ATPAF2: variants seen among roughly 807,000 people sequenced by gnomAD.
ATPAF2 encodes ATP synthase mitochondrial F1 complex assembly factor 2.
Under a neutral mutation model 36.6 loss-of-function variants are expected in ATPAF2, and 30 were observed. That is an observed-to-expected ratio of 0.82 (90% CI 0.61 to 1.11). The LOEUF is 1.11. Among genes scored for constraint, ATPAF2 ranks in the 50% most tolerant of loss-of-function variants. The pLI, the probability that ATPAF2 is intolerant of heterozygous loss-of-function variation, is 0.00. For synonymous variants in ATPAF2, 140 were observed against 152.6 expected (o/e 0.92, Z 0.61); for missense variants, 321 against 372.3 (o/e 0.86, Z 1.13).
chr17:18,027,232 G>T (rs2044560654), intron 3 of ATPAF2, among the ~76,000 whole-genome samples: 1 of 151,010 alleles, frequency 6.6e-6, no homozygotes, highest in African/African-American at 2.4e-5. Flanking sequence ...AAAAAAAAAA[G>T]ATCTTTTTTT....
intron 7 of ATPAF2, among the ~76,000 whole-genome samples, chr17:18,019,916 A>G (rs1388701511): frequency 6.6e-6 from 1 of 152,220 alleles, no homozygotes; most frequent in Non-Finnish European, 1.5e-5. Context: ...CTTGGGTCCC[A>G]TAGTCAGAAG....
chr17:18,036,780 T>C (rs544100955), intron 1 of ATPAF2, among the ~76,000 whole-genome samples: 1 of 152,256 alleles, frequency 6.6e-6, no homozygotes, highest in African/African-American at 2.4e-5. Flanking sequence ...AAATCTAAAT[T>C]AACCCTTTGT....
intron 1 of ATPAF2, among the ~76,000 whole-genome samples, chr17:18,032,735 A>C (rs1039433353): frequency 6.6e-6 from 1 of 152,174 alleles, no homozygotes; most frequent in African/African-American, 2.4e-5. Flanking sequence ...GGCAAACAAT[A>C]AGGTGACTTC....
Position 18,039,150 on chromosome 17 carries a change from ACGC to A in ATPAF2, c.-140_-138del, listed in dbSNP as rs2044752910. 2.4e-6 allele frequency: 3 copies of A among 1,270,590 alleles called. No homozygotes were observed. Among genetic ancestry groups the A allele is most frequent in the Non-Finnish European group, 2.2e-6 (2 of 909,918 alleles). 78.7% of individuals were successfully genotyped at this position (1,270,590 alleles called of 1,614,324 possible). ...CCTCAGAGCCCTCAACCTCCCTTGG[ACGC>A]CGCCATCTTCCGCATGACACCTACG... is the stretch of plus-strand genomic sequence containing the variant. On this transcript the variant is annotated 5_prime_UTR_variant, in exon 1 of 8. Transcript: ENST00000474627. This position sits in a 1 kb window ranked among gnomAD's most constrained non-coding sequence, Gnocchi z 5.3.
At position 18,018,625 on chromosome 17, in the gene ATPAF2, C is replaced by A; in HGVS notation, c.794G>T (p.Arg265Leu). The change falls in exon 8 of 8, where the codon CGC becomes CTC. Residue 265 changes from arginine (R) to leucine (L), a missense_variant. Physicochemically the swap from Arg to Leu is moderately radical, Grantham distance 102 (BLOSUM62 -2). This residue lies in a region of ATPAF2 where 199 missense variants were observed against 220.6 expected (regional missense o/e 0.90). Transcript: ENST00000474627. ...GATGAAGAGGGTGCCGGCGGCGGTG[C>A]GGGCCCGCAGCTCCTGCAGCTCATA... The part of the protein sequence containing the change: ...HDYELQELRA[R>L]TAAGTLFIHL... 1 of 1,613,982 alleles carries A rather than the reference C, an allele frequency of 6.2e-7. No individual in the cohort carries two copies. The highest frequency in any genetic ancestry group is 8.5e-7 in the Non-Finnish European group (1 of 1,180,006).
At chr17:18,019,185 A>ACACACACACACCC (rs1313379853) in intron 7 of ATPAF2, among the ~76,000 whole-genome samples, 1 of 146,238 alleles carries the variant, frequency 6.8e-6, no homozygotes, top group African/African-American at 2.5e-5. Context: ...ACACACACAC[A>ACACACACACACCC]CCCCACCACC....
intron 1 of ATPAF2, among the ~76,000 whole-genome samples, chr17:18,030,533 A>C (rs1405373812): frequency 6.7e-6 from 1 of 150,302 alleles, no homozygotes; most frequent in East Asian, 1.9e-4. Flanking sequence ...AAAAAAAAAA[A>C]AACAAGCTTA....
chr17:18,020,937 A>C (rs1010436589), intron 7 of ATPAF2, 186 bp downstream of exon 7: 11 of 1,395,566 alleles, frequency 7.9e-6, no homozygotes, highest in Admixed American at 5.6e-5. Context: ...CTGGGATTAC[A>C]GGTGTGAACC....
At position 18,028,221 on chromosome 17, in the gene ATPAF2, G is replaced by A. The variant is rs184870290; in HGVS notation, c.324+11C>T. On this transcript the variant is annotated intron_variant, in intron 3 of 7. Transcript: ENST00000474627. ...GTCTCAGGGTCCAGGTTCACACTGTGAACTTGTTACCAGGTGCATGGTGTA... is the reference window on the plus strand; with the variant it reads ...GTCTCAGGGTCCAGGTTCACACTGTAAACTTGTTACCAGGTGCATGGTGTA... 147 of 1,614,166 alleles carry A rather than the reference G, an allele frequency of 9.1e-5. No individual in the cohort carries two copies. The highest frequency in any genetic ancestry group is 6.3e-4 in the Admixed American group (38 of 60,028).
downstream of ATPAF2, chr17:18,016,764 T>C: frequency 1.2e-5 from 8 of 694,362 alleles, no homozygotes; most frequent in South Asian, 1.9e-5. Flanking sequence ...CTCTAGAGAG[T>C]TGCTGGGCAT....
At chr17:18,033,909 C>T (rs2044670745) in intron 1 of ATPAF2, among the ~76,000 whole-genome samples, 1 of 151,922 alleles carries the variant, frequency 6.6e-6, no homozygotes, top group African/African-American at 2.4e-5. Context: ...CACTTGAGTC[C>T]AAGAGTTCAA....
At chr17:18,023,793 G>A (rs571612420) in intron 5 of ATPAF2, among the ~76,000 whole-genome samples, 1 of 152,338 alleles carries the variant, frequency 6.6e-6, no homozygotes, top group South Asian at 2.1e-4. Flanking sequence ...ACCAAGAAAT[G>A]TGCCTTGCAA....
Position 18,039,041 on chromosome 17 carries a change from G to A in ATPAF2, c.-28C>T. The A allele has an allele frequency of 1.3e-6, 2 of 1,573,860 alleles. No homozygotes were observed. Among genetic ancestry groups the A allele is most frequent in the South Asian group, 1.1e-5 (1 of 87,698 alleles). Reference sequence around the variant, plus strand: ...CGCCCGAGGGTCTGGGAAGATGCGAGACGCGAAACCTGGAGCAGGAAACAC... The same window carrying A: ...CGCCCGAGGGTCTGGGAAGATGCGAAACGCGAAACCTGGAGCAGGAAACAC... On this transcript the variant is annotated 5_prime_UTR_variant, in exon 1 of 8. Transcript: ENST00000474627. This position sits in a 1 kb window ranked among gnomAD's most constrained non-coding sequence, Gnocchi z 5.3.
rs932099983 is a variant in ATPAF2 at position 18,038,455 on chromosome 17, C to T, written c.133+426G>A. Among the ~76,000 whole-genome samples the T allele has an allele frequency of 4.6e-5, 7 of 152,174 alleles. No individual in the cohort carries two copies. In the South Asian group the frequency reaches 1.2e-3, roughly 27 times the overall value. On this transcript the variant is annotated intron_variant, in intron 1 of 7. Coordinates refer to ENST00000474627, the MANE Select transcript of ATPAF2 (RefSeq NM_145691.4). ...GGATGGAGGAATGAAGGCCCAGGTT[C>T]TAGGTCCCTTCTGGGCAGGTCTTGT... is the stretch of plus-strand genomic sequence containing the variant.
At chr17:18,021,005 G>T in intron 7 of ATPAF2, 118 bp downstream of exon 7, 1 of 1,474,544 alleles carries the variant, frequency 6.8e-7, no homozygotes. Flanking sequence ...ATTTCTGCGT[G>T]TACATAAAAG....
Position 18,030,830 on chromosome 17 carries a change from CTTT to C in ATPAF2, c.134-2174_134-2172del, listed in dbSNP as rs34365252. On this transcript the variant is annotated intron_variant, in intron 1 of 7. Coordinates refer to ENST00000474627, the MANE Select transcript of ATPAF2 (RefSeq NM_145691.4). ...CTACAGGCGCCGCCACCACGCCTGG[CTTT>C]TTTTTTTTTTTTTTTTTTTTTAGTA... Among the ~76,000 whole-genome samples, 7 of 80,110 alleles carry C rather than the reference CTTT, an allele frequency of 8.7e-5. 1 individual carries two copies. Among genetic ancestry groups the C allele is most frequent in the African/African-American group, 2.4e-4 (5 of 21,032 alleles). 52.6% of individuals were successfully genotyped at this position (80,110 alleles called of 152,430 possible). A position where few individuals can be genotyped will look rare whatever the true frequency, so the allele number is the denominator to read the frequency against.
intron 3 of ATPAF2, 182 bp from the exon 4 acceptor site, chr17:18,026,598 T>C: frequency 3.1e-6 from 2 of 636,488 alleles, no homozygotes; most frequent in East Asian, 2.7e-5. Flanking sequence ...CCAGGCTCCA[T>C]GCCAAATGCT....
rs746527459 is a variant in ATPAF2 at position 18,026,412 on chromosome 17, G to A, written c.329C>T (p.Thr110Ile). 3.7e-6 allele frequency: 6 copies of A among 1,614,116 alleles called. No individual in the cohort carries two copies. The South Asian group carries it at 6.6e-5, about 18-fold the overall frequency. Reference protein sequence around the residue: ...TIKYYTMHLTTLCNTSLDNPT... With the variant: ...TIKYYTMHLTILCNTSLDNPT... ...GTTGTCCAATGATGTGTTGCACAAT[G>A]TGGTCTGAATCAAAGGCAAAAACCA... Residue 110 changes from threonine to isoleucine, a missense_variant, in exon 4 of 8, where the codon ACA (threonine) becomes ATA (isoleucine). By Grantham distance (89) the Thr-to-Ile change is moderately conservative (BLOSUM62 -1). Around this residue, in one of 3 missense-constraint regions of ATPAF2, gnomAD observed 53 missense variants for 91.6 expected, o/e 0.58. Transcript: ENST00000474627.
intron 6 of ATPAF2, 82 bp downstream of exon 6, chr17:18,021,663 C>T: frequency 8.1e-7 from 1 of 1,227,208 alleles, no homozygotes; most frequent in South Asian, 1.2e-5. Context: ...ACTCACAGGA[C>T]CTGGGGAGGG....
Sources: gnomAD v4.1 joint callset for allele counts (sites outside exome capture counted in the v4.1 genomes callset) on GRCh38, gnomAD v4.1.1 for gene constraint, gnomAD v4.1.1 regional missense constraint, Gnocchi (gnomAD v3.1) non-coding constraint, MANE v1.5 for transcripts, NCBI Gene and HGNC (gene_info 2026-07-23, HGNC 2026-07-21) for gene names.